Variants in TEX9 observed in about 807,000 individuals in gnomAD.
The protein encoded by TEX9 is testis expressed 9.
Under a neutral mutation model 59.6 loss-of-function variants are expected in TEX9, and 74 were observed. That is an observed-to-expected ratio of 1.24 (90% CI 1.03 to 1.51). TEX9 has a LOEUF of 1.51. Ranked by LOEUF, TEX9 falls within the 40% of genes most tolerant of loss-of-function variation. The pLI, the probability that TEX9 is intolerant of heterozygous loss-of-function variation, is 0.00. For missense variants in TEX9, 522 were observed against 447.8 expected (o/e 1.17, Z -1.49); for synonymous variants, 186 against 152.2 (o/e 1.22, Z -1.64).
intron 12 of TEX9, among the ~76,000 whole-genome samples, chr15:56,438,002 G>C (rs144881839): frequency 0.044 from 6,755 of 152,228 alleles, 227 homozygotes; most frequent in Admixed American, 0.089. Context: ...CATGCTCATG[G>C]ATAGGAAGAA....
rs1205090383 is a variant in TEX9, at chr15:56,427,683, T to TTAATGATAGGGTTCAA, written c.1043_1058dup (p.Lys353AsnfsTer13). On this transcript the variant is annotated frameshift_variant, in exon 11 of 13. Coordinates refer to ENST00000352903, the Ensembl canonical transcript of TEX9. LOFTEE classifies it high-confidence loss of function. ...GAAGCTAGAAAAACAAAAAGGAGAA[T>TTAATGATAGGGTTCAA]TAATGATAGGGTTCAAGAAACAGTT... 1.3e-6 allele frequency: 2 copies of TTAATGATAGGGTTCAA among 1,533,104 alleles called. No homozygotes were observed. Among genetic ancestry groups the TTAATGATAGGGTTCAA allele is most frequent in the Admixed American group, 2.1e-5 (1 of 46,804 alleles). 95.0% of individuals were successfully genotyped at this position (1,533,104 alleles called of 1,614,324 possible). A position where few individuals can be genotyped will look rare whatever the true frequency, so the allele number is the denominator to read the frequency against.
the TEX9 span, among the ~76,000 whole-genome samples, chr15:56,458,717 T>C: frequency 2.0e-5 from 3 of 152,324 alleles, no homozygotes; most frequent in African/African-American, 7.2e-5. Context: ...TGGAGCCTTT[T>C]TGGACTGGCT....
chr15:56,317,504 T>C (rs1370874175), intron 1 of TEX9, among the ~76,000 whole-genome samples: 1 of 152,218 alleles, frequency 6.6e-6, no homozygotes. Flanking sequence ...ATTTTCTCTA[T>C]TGTTTTTCTA....
At chr15:56,278,620 T>C (rs1455735854) in intron 1 of TEX9, among the ~76,000 whole-genome samples, 1 of 152,222 alleles carries the variant, frequency 6.6e-6, no homozygotes, top group African/African-American at 2.4e-5. Context: ...CAGTTCTTCC[T>C]TGTGGGACTT....
At chr15:56,403,662 C>G (rs2048918050) in intron 9 of TEX9, among the ~76,000 whole-genome samples, 1 of 152,174 alleles carries the variant, frequency 6.6e-6, no homozygotes, top group Non-Finnish European at 1.5e-5. Context: ...AAAAAAGAGC[C>G]CTCATTGCCA....
upstream of TEX9, among the ~76,000 whole-genome samples, chr15:56,364,727 CT>C (rs1433666113): frequency 6.6e-6 from 1 of 152,172 alleles, no homozygotes. Flanking sequence ...GTCTTGCACC[CT>C]TTCTAAAGAT....
intron 9 of TEX9, among the ~76,000 whole-genome samples, chr15:56,411,849 A>G (rs1424206973): frequency 6.6e-6 from 1 of 152,200 alleles, no homozygotes; most frequent in South Asian, 2.1e-4. Flanking sequence ...CTATAGGGCT[A>G]TATAGAATGT....
At chr15:56,405,440 GTCAT>G (rs1409022192) in intron 9 of TEX9, among the ~76,000 whole-genome samples, 1 of 151,968 alleles carries the variant, frequency 6.6e-6, no homozygotes, top group East Asian at 1.9e-4. Flanking sequence ...AACAAATCAT[GTCAT>G]TCCCGAATCC....
At chr15:56,244,781 G>A (rs909988726) in intron 1 of TEX9, among the ~76,000 whole-genome samples, 3 of 151,996 alleles carry the variant, frequency 2.0e-5, no homozygotes, top group Admixed American at 6.5e-5. Context: ...TTTGGAGCCC[G>A]TTGAACACCC....
chr15:56,337,499 G>C (rs1186407978), intron 1 of TEX9, among the ~76,000 whole-genome samples: 1 of 152,112 alleles, frequency 6.6e-6, no homozygotes, highest in Non-Finnish European at 1.5e-5. Flanking sequence ...CCGTAACTGG[G>C]GCAGCTGTAA....
intron 1 of TEX9, among the ~76,000 whole-genome samples, chr15:56,252,379 CTTTT>C (rs3050136): frequency 1.2e-3 from 139 of 119,706 alleles, no homozygotes; most frequent in African/African-American, 4.2e-3. Context: ...TTAGAAAAAC[CTTTT>C]TTTTTTTTTT....
At chr15:56,437,504 A>C (rs1226502966) in intron 12 of TEX9, among the ~76,000 whole-genome samples, 2 of 152,212 alleles carry the variant, frequency 1.3e-5, no homozygotes, top group East Asian at 3.8e-4. Context: ...CCCACAGCCA[A>C]TATCATACTG....
downstream of TEX9, chr15:56,446,758 CAATAT>C (rs1351844443): frequency 7.9e-6 from 8 of 1,007,252 alleles, no homozygotes; most frequent in African/African-American, 8.1e-5. Context: ...ATTCTTTATA[CAATAT>C]GACAATTTTT....
At chr15:56,345,453 T>C (rs1168466183) in intron 1 of TEX9, among the ~76,000 whole-genome samples, 1 of 152,138 alleles carries the variant, frequency 6.6e-6, no homozygotes, top group Non-Finnish European at 1.5e-5. Flanking sequence ...GAAAGTGTTT[T>C]CTGGCCTTTT....
intron 1 of TEX9, among the ~76,000 whole-genome samples, chr15:56,259,426 A>G (rs75411601): frequency 0.044 from 6,689 of 152,054 alleles, 227 homozygotes; most frequent in Admixed American, 0.086. Context: ...ATCAGCATTA[A>G]TTTTTGTAGA....
chr15:56,455,247 GAAAAAAAAAAA>G, the TEX9 span, among the ~76,000 whole-genome samples: 1 of 82,894 alleles, frequency 1.2e-5, no homozygotes, highest in South Asian at 4.3e-4. Flanking sequence ...ATCGTCAGGT[GAAAAAAAAAAA>G]AAAAAAAAAA....
intron 12 of TEX9, among the ~76,000 whole-genome samples, chr15:56,440,342 C>T (rs74529162): frequency 6.6e-6 from 1 of 152,184 alleles, no homozygotes; most frequent in African/African-American, 2.4e-5. Context: ...TGCAGACAGA[C>T]TGCGTAACTC....
At chr15:56,322,327 G>A (rs1293096401) in intron 1 of TEX9, among the ~76,000 whole-genome samples, 1 of 152,044 alleles carries the variant, frequency 6.6e-6, no homozygotes, top group Non-Finnish European at 1.5e-5. Context: ...GTAACTACCC[G>A]GTCACCTTTG....
intron 1 of TEX9, chr15:56,323,169 T>C (rs1596088961): frequency 9.2e-6 from 2 of 217,472 alleles, no homozygotes; most frequent in South Asian, 7.9e-5. Context: ...ATGCATTCTT[T>C]GTGCAAACTT....
Sources: gnomAD v4.1 joint callset for allele counts (sites outside exome capture counted in the v4.1 genomes callset) on GRCh38, gnomAD v4.1.1 for gene constraint, MANE v1.5 for transcripts, NCBI Gene and HGNC (gene_info 2026-07-23, HGNC 2026-07-21) for gene names.